RYR2: variants seen among roughly 807,000 people sequenced by gnomAD.
The protein encoded by RYR2 is cardiac muscle ryanodine receptor-calcium release channel.
A neutral mutation model predicts 601.1 loss-of-function variants in RYR2; 227 were observed. That is an observed-to-expected ratio of 0.38 (90% CI 0.34 to 0.42). The LOEUF (loss-of-function observed/expected upper bound fraction) is 0.42. Ranked by LOEUF, RYR2 falls within the 10% of genes least tolerant of loss-of-function variation. RYR2 has a pLI of 1.00. For missense variants in RYR2, 4,646 were observed against 6,156.5 expected (o/e 0.75, Z 8.21); for synonymous variants, 2,223 against 2,175.1 (o/e 1.02, Z -0.61).
intron 27 of RYR2, among the ~76,000 whole-genome samples, chr1:237,563,379 C>T (rs1417755920): frequency 1.4e-5 from 2 of 146,362 alleles, no homozygotes; most frequent in Non-Finnish European, 1.5e-5. Flanking sequence ...CCATCGCACT[C>T]CAGCCTGGGC....
At chr1:237,361,810 C>A (rs1328592273) in intron 4 of RYR2, among the ~76,000 whole-genome samples, 3 of 152,068 alleles carry the variant, frequency 2.0e-5, no homozygotes, top group Non-Finnish European at 4.4e-5. Context: ...TTCTTTGCAC[C>A]AAGAACAGAT....
intron 2 of RYR2, among the ~76,000 whole-genome samples, chr1:237,317,742 G>A (rs933174164): frequency 1.3e-5 from 2 of 150,744 alleles, no homozygotes; most frequent in African/African-American, 4.9e-5. Flanking sequence ...AACAGTTCTT[G>A]TCTAAAAATC....
At chr1:237,414,271 C>A (rs1041581400) in intron 10 of RYR2, among the ~76,000 whole-genome samples, 3 of 152,116 alleles carry the variant, frequency 2.0e-5, no homozygotes, top group African/African-American at 7.2e-5. Context: ...GTACATTGGA[C>A]TTTTTAAAGC....
chr1:237,633,470 C>A, intron 42 of RYR2, 108 bp from the exon 43 acceptor site: 2 of 1,293,830 alleles, frequency 1.5e-6, no homozygotes, highest in Non-Finnish European at 2.2e-6. Flanking sequence ...AAGTTTGGCA[C>A]ACACATGGAC....
chr1:237,284,586 A>G (rs1168181064), intron 2 of RYR2, among the ~76,000 whole-genome samples: 2 of 115,060 alleles, frequency 1.7e-5, no homozygotes, highest in Non-Finnish European at 3.3e-5. Context: ...ACACACACCC[A>G]CACACAGACC....
At chr1:237,586,068 A>G (rs1158512310) in intron 29 of RYR2, among the ~76,000 whole-genome samples, 3 of 152,170 alleles carry the variant, frequency 2.0e-5, no homozygotes, top group East Asian at 1.9e-4. Flanking sequence ...AATATTACAT[A>G]TTTGTCCAAA....
chr1:237,456,590 A>G lies in RYR2; in HGVS notation c.1477-10A>G. ...TCTGATTGTGATTTTTTTTTTTTTT[A>G]ACGTTCCAGGGAATGATCAACCTCG... is the stretch of plus-strand genomic sequence containing the variant. On this transcript the variant is annotated splice_polypyrimidine_tract_variant and intron_variant, in intron 15 of 104. Coordinates refer to ENST00000366574, the MANE Select transcript of RYR2 (RefSeq NM_001035.3). The G allele has an allele frequency of 1.4e-6, 2 of 1,400,798 alleles. No homozygotes were observed. Among genetic ancestry groups the G allele is most frequent in the East Asian group, 2.7e-5 (1 of 36,750 alleles). The allele number at this position is 1,400,798 out of a possible 1,614,324, so 86.8% of individuals were successfully genotyped here.
Position 237,717,343 on chromosome 1 carries a change from C to T in RYR2, c.10469C>T (p.Ala3490Val). Residue 3490 changes from alanine to valine, a missense_variant, in exon 72 of 105, where the codon GCT (alanine) becomes GTT (valine). By Grantham distance (64) the Ala-to-Val change is moderately conservative. Coordinates refer to ENST00000366574, the MANE Select transcript of RYR2 (RefSeq NM_001035.3). ...ICAPGDQELI[A>V]LAKNRFSLKD... ...GCCCCTGGGGACCAGGAGCTCATTG[C>T]TCTGGCCAAAAATCGATTTAGCCTG... The T allele has an allele frequency of 1.2e-6, 2 of 1,607,140 alleles. No homozygotes were observed. Among genetic ancestry groups the T allele is most frequent in the South Asian group, 1.1e-5 (1 of 90,200 alleles).
chr1:237,490,384 C>T (rs1663195529), intron 17 of RYR2, among the ~76,000 whole-genome samples: 1 of 152,020 alleles, frequency 6.6e-6, no homozygotes, highest in Non-Finnish European at 1.5e-5. Flanking sequence ...CTATAGCAAT[C>T]AATAATGGGG....
intron 54 of RYR2, among the ~76,000 whole-genome samples, chr1:237,659,421 G>T (rs1434746617): frequency 6.6e-6 from 1 of 152,188 alleles, no homozygotes; most frequent in Admixed American, 6.5e-5. Context: ...ATGGTGATAT[G>T]TACAGATGGG....
intron 39 of RYR2, among the ~76,000 whole-genome samples, chr1:237,624,117 T>A (rs539086821): frequency 2.6e-5 from 4 of 152,248 alleles, no homozygotes; most frequent in Non-Finnish European, 1.5e-5. Flanking sequence ...TCTTTCTCTC[T>A]TTTTCCTCTT....
At chr1:237,790,118 TAATATTAA>T (rs1658197487) in intron 92 of RYR2, among the ~76,000 whole-genome samples, 1 of 152,228 alleles carries the variant, frequency 6.6e-6, no homozygotes, top group Non-Finnish European at 1.5e-5. Flanking sequence ...ATCTCCCACT[TAATATTAA>T]AACAAATGCT....
At chr1:237,278,335 C>T (rs1379300963) in intron 2 of RYR2, among the ~76,000 whole-genome samples, 7 of 133,002 alleles carry the variant, frequency 5.3e-5, no homozygotes, top group African/African-American at 8.4e-5. Context: ...AAGCGATCTT[C>T]CTTCCTCAGC....
chr1:237,811,138 A>G (rs1661209812), intron 100 of RYR2, among the ~76,000 whole-genome samples: 1 of 152,146 alleles, frequency 6.6e-6, no homozygotes, highest in Admixed American at 6.6e-5. Context: ...CCACCATGTT[A>G]TAGAAGATAA....
At chr1:237,343,509 T>C (rs1035977922) in intron 3 of RYR2, among the ~76,000 whole-genome samples, 2 of 152,096 alleles carry the variant, frequency 1.3e-5, no homozygotes, top group African/African-American at 4.8e-5. Flanking sequence ...TGCATTGTAG[T>C]GTATAAACAC....
At chr1:237,298,186 A>G (rs1191070246) in intron 2 of RYR2, among the ~76,000 whole-genome samples, 1 of 151,982 alleles carries the variant, frequency 6.6e-6, no homozygotes, top group Non-Finnish European at 1.5e-5. Flanking sequence ...TCATCACTCA[A>G]CCATGGGTGC....
At chr1:237,149,584 G>A (rs1466027311) in intron 1 of RYR2, among the ~76,000 whole-genome samples, 1 of 151,608 alleles carries the variant, frequency 6.6e-6, no homozygotes, top group Non-Finnish European at 1.5e-5. Flanking sequence ...CAGAAAAATT[G>A]TCAAATTCCA....
At chr1:237,672,932 G>C (rs1468638708) in intron 58 of RYR2, among the ~76,000 whole-genome samples, 2 of 152,190 alleles carry the variant, frequency 1.3e-5, no homozygotes, top group Non-Finnish European at 2.9e-5. Context: ...TGGTATTAAA[G>C]TTCAGTGGGC....
At chr1:237,135,531 AATTT>A (rs1209650705) in intron 1 of RYR2, among the ~76,000 whole-genome samples, 1 of 55,136 alleles carries the variant, frequency 1.8e-5, no homozygotes, top group African/African-American at 4.3e-5. Context: ...CACCACACCT[AATTT>A]TTTTTTTTTT....
Sources: gnomAD v4.1 joint callset for allele counts (sites outside exome capture counted in the v4.1 genomes callset) on GRCh38, gnomAD v4.1.1 for gene constraint, MANE v1.5 for transcripts, NCBI Gene and HGNC (gene_info 2026-07-23, HGNC 2026-07-21) for gene names.